The following BIVM variants were observed in gnomAD, a reference collection of about 807,000 sequenced individuals.
BIVM encodes basic immunoglobulin-like variable motif-containing protein.
BIVM carries 31 observed loss-of-function variants against 61.4 expected under a neutral mutation model. The observed-to-expected ratio is 0.51, with a 90% CI of 0.38 to 0.68. BIVM has a LOEUF of 0.68. Ranked by LOEUF, BIVM falls within the 30% of genes least tolerant of loss-of-function variation. The pLI, the probability that BIVM is intolerant of heterozygous loss-of-function variation, is 0.00. For synonymous variants in BIVM, 189 were observed against 210.7 expected (o/e 0.90, Z 0.89); for missense variants, 526 against 596.0 (o/e 0.88, Z 1.22).
chr13:102,820,419 G>A (rs955514488), intron 4 of BIVM: 12 of 150,410 alleles, frequency 8.0e-5, no homozygotes, highest in Non-Finnish European at 1.3e-4. Flanking sequence ...TAAATAAATA[G>A]TCTGTCTCTT....
At chr13:102,830,620 T>C (rs1361118918) in intron 7 of BIVM, among the ~76,000 whole-genome samples, 2 of 152,202 alleles carry the variant, frequency 1.3e-5, no homozygotes, top group African/African-American at 2.4e-5. Flanking sequence ...ATCTTGTCAC[T>C]TGGCTTGTGA....
At chr13:102,809,126 G>A (rs1419857165) in intron 3 of BIVM, among the ~76,000 whole-genome samples, 4 of 152,024 alleles carry the variant, frequency 2.6e-5, no homozygotes, top group African/African-American at 7.2e-5. Context: ...TTAGATCATT[G>A]ATTTTAGACT....
chr13:102,802,808 T>C (rs1437778581), intron 1 of BIVM, among the ~76,000 whole-genome samples: 1 of 150,080 alleles, frequency 6.7e-6, no homozygotes, highest in African/African-American at 2.5e-5. Flanking sequence ...TGCAGTGGTG[T>C]GATCATAGCT....
At chr13:102,838,344 G>C (rs1373050569) in intron 9 of BIVM, among the ~76,000 whole-genome samples, 1 of 152,102 alleles carries the variant, frequency 6.6e-6, no homozygotes, top group Non-Finnish European at 1.5e-5. Flanking sequence ...TAATTGAAAA[G>C]GAAATATAGC....
intron 8 of BIVM, among the ~76,000 whole-genome samples, chr13:102,834,047 A>C (rs1881297472): frequency 6.6e-6 from 1 of 152,194 alleles, no homozygotes; most frequent in Non-Finnish European, 1.5e-5. Flanking sequence ...GACCTATTTG[A>C]ATTAGAATGT....
Position 102,831,666 on chromosome 13 carries a change from G to A in BIVM, c.1003G>A (p.Ala335Thr). The change falls in exon 8 of 11, where the codon GCA becomes ACA. Residue 335 changes from alanine to threonine, a missense_variant. By Grantham distance (58) the Ala-to-Thr change is moderately conservative (BLOSUM62 0). Transcript: ENST00000257336. ...NHYFCPIGFEATPVKANKAFS... is the reference protein window; with the variant it reads ...NHYFCPIGFETTPVKANKAFS... Reference sequence around the variant, plus strand: ...TTATTTTTGTCCAATTGGCTTCGAAGCAACCCCTGTTAAAGCTAATAAAGC... The same window carrying A: ...TTATTTTTGTCCAATTGGCTTCGAAACAACCCCTGTTAAAGCTAATAAAGC... 1 of 1,614,106 alleles carries A rather than the reference G, an allele frequency of 6.2e-7. No individual in the cohort carries two copies. Among genetic ancestry groups the A allele is most frequent in the Non-Finnish European group, 8.5e-7 (1 of 1,180,020 alleles).
At chr13:102,814,779 C>T (rs576798924) in intron 3 of BIVM, among the ~76,000 whole-genome samples, 8 of 152,296 alleles carry the variant, frequency 5.3e-5, no homozygotes, top group African/African-American at 1.7e-4. Flanking sequence ...CATGATGGCT[C>T]ACACTTGTAA....
chr13:102,803,599 A>G (rs1403025164), intron 1 of BIVM, among the ~76,000 whole-genome samples: 1 of 152,182 alleles, frequency 6.6e-6, no homozygotes, highest in Non-Finnish European at 1.5e-5. Flanking sequence ...GGAAAGTGGA[A>G]GCCAAGTCTG....
chr13:102,818,058 T>C (rs1879997029), intron 4 of BIVM, among the ~76,000 whole-genome samples: 1 of 152,124 alleles, frequency 6.6e-6, no homozygotes, highest in Non-Finnish European at 1.5e-5. Context: ...TAATTAACCA[T>C]GAAAGGAGGT....
chr13:102,827,355 AC>A (rs1432653105), intron 7 of BIVM, among the ~76,000 whole-genome samples: 1 of 150,704 alleles, frequency 6.6e-6, no homozygotes, highest in African/African-American at 2.4e-5. Flanking sequence ...GGGATAAACT[AC>A]CTATTTTCCT....
intron 7 of BIVM, among the ~76,000 whole-genome samples, chr13:102,825,477 T>C (rs1234547769): frequency 6.6e-6 from 1 of 152,222 alleles, no homozygotes; most frequent in African/African-American, 2.4e-5. Flanking sequence ...GTCTGGAGAC[T>C]GGATTTACCT....
chr13:102,801,839 C>T (rs1287199030), intron 1 of BIVM: 1 of 152,228 alleles, frequency 6.6e-6, no homozygotes, highest in African/African-American at 2.4e-5. Context: ...GTCACCTGGC[C>T]TAGTTTGAGA....
In BIVM at chr13:102,822,093, C is replaced by T; in HGVS notation, c.835C>T (p.His279Tyr). The T allele has an allele frequency of 1.2e-6, 2 of 1,613,922 alleles. No homozygotes were observed. The highest frequency in any genetic ancestry group is 1.7e-6 in the Non-Finnish European group (2 of 1,179,998). ...RWFRQINDHF[H>Y]VKGCSYVLYK... is the part of the protein sequence containing the mutation. ...GTTTAGACAAATTAATGACCACTTC[C>T]ATGTAAAAGGATGCTCTTATGTTCT... The change falls in exon 7 of 11, where the codon CAT (histidine) becomes TAT (tyrosine). Residue 279 changes from histidine (H) to tyrosine (Y), a missense_variant. Around this residue, in one of 3 missense-constraint regions of BIVM, gnomAD observed 312 missense variants for 343.8 expected, o/e 0.91. Coordinates refer to ENST00000257336, the MANE Select transcript of BIVM (RefSeq NM_017693.4).
In BIVM at chr13:102,799,470, A is replaced by G. The variant is rs1313867929; in HGVS notation, c.-258A>G. 2 of 152,250 alleles carry G rather than the reference A, an allele frequency of 1.3e-5. No homozygotes were observed. The highest frequency in any genetic ancestry group is 2.4e-5 in the African/African-American group (1 of 41,456). The allele number at this position is 152,250 out of a possible 1,614,324, so 9.4% of individuals were successfully genotyped here. ...GCTGGATGCTGTGATCCAGGTCCGG[A>G]GCCGGGTTCCGCCGCGGCCGCAGCG... On this transcript the variant is annotated 5_prime_UTR_variant, in exon 1 of 11. Transcript: ENST00000257336.
Position 102,799,313 on chromosome 13 carries a change from A to C in BIVM, c.-415A>C. On this transcript the variant is annotated 5_prime_UTR_variant, in exon 1 of 11. Transcript: ENST00000257336. ...TCCGCACGTGGAGAGGGCAGGCATA[A>C]AGCACCTTGAAAGGAAGGTGCTGTC... The C allele has an allele frequency of 1.1e-5, 2 of 182,328 alleles. No homozygotes were observed. The highest frequency in any genetic ancestry group is 2.3e-5 in the Non-Finnish European group (2 of 88,498). The allele number at this position is 182,328 out of a possible 1,614,324, so 11.3% of individuals were successfully genotyped here. A position where few individuals can be genotyped will look rare whatever the true frequency, so the allele number is the denominator to read the frequency against.
intron 4 of BIVM, among the ~76,000 whole-genome samples, chr13:102,819,109 AC>A (rs1405447923): frequency 6.6e-6 from 1 of 152,152 alleles, no homozygotes; most frequent in African/African-American, 2.4e-5. Flanking sequence ...GTTAATAATC[AC>A]TTGTCCACAA....
intron 9 of BIVM, among the ~76,000 whole-genome samples, chr13:102,836,267 GT>G (rs1881464710): frequency 6.6e-6 from 1 of 151,966 alleles, no homozygotes; most frequent in African/African-American, 2.4e-5. Context: ...ATGCTTTCCT[GT>G]TTTTTTCTAG....
At chr13:102,829,804 A>G (rs921097142) in intron 7 of BIVM, among the ~76,000 whole-genome samples, 1 of 152,122 alleles carries the variant, frequency 6.6e-6, no homozygotes, top group African/African-American at 2.4e-5. Context: ...ATGCCACTGC[A>G]CTCCAGCCTC....
intron 5 of BIVM, 77 bp from the exon 6 acceptor site, chr13:102,821,666 A>T (rs371704305): frequency 8.0e-7 from 1 of 1,247,942 alleles, no homozygotes; most frequent in Non-Finnish European, 1.1e-6. Context: ...TCAGACAAGC[A>T]TATTAACATT....
Sources: allele counts gnomAD v4.1 joint callset (sites outside exome capture counted in the v4.1 genomes callset), GRCh38; gene constraint gnomAD v4.1.1; regional missense constraint gnomAD v4.1.1; transcripts MANE v1.5; gene names NCBI Gene and HGNC (gene_info 2026-07-23, HGNC 2026-07-21).